The following CSMD2 variants were observed in gnomAD, a reference collection of about 807,000 sequenced individuals.
CSMD2 encodes the protein CUB and sushi domain-containing protein 2.
In CSMD2, 130 loss-of-function variants were observed where a neutral mutation model predicts 398.5. That is an observed-to-expected ratio of 0.33 (90% confidence interval 0.28 to 0.38). The LOEUF (loss-of-function observed/expected upper bound fraction) is 0.38. Ranked by LOEUF, CSMD2 falls within the 10% of genes least tolerant of loss-of-function variation. CSMD2 has a pLI of 1.00. For synonymous variants in CSMD2, 1,828 were observed against 1,908.5 expected (o/e 0.96, Z 1.10); for missense variants, 3,829 against 4,764.9 (o/e 0.80, Z 5.78).
intron 3 of CSMD2, among the ~76,000 whole-genome samples, chr1:33,955,037 T>A (rs1645120928): frequency 6.6e-6 from 1 of 152,146 alleles, no homozygotes; most frequent in Non-Finnish European, 1.5e-5. Flanking sequence ...GTCAAGGTGT[T>A]CATTTATCAC....
intron 2 of CSMD2, among the ~76,000 whole-genome samples, chr1:34,036,921 A>G (rs1055503972): frequency 6.6e-6 from 1 of 152,294 alleles, no homozygotes; most frequent in African/African-American, 2.4e-5. Context: ...GTTACAGGCT[A>G]TGACACATAC....
intron 1 of CSMD2, among the ~76,000 whole-genome samples, chr1:34,132,622 C>T (rs913462439): frequency 6.6e-6 from 1 of 152,204 alleles, no homozygotes; most frequent in Non-Finnish European, 1.5e-5. Context: ...ACAGATCAAC[C>T]CTCACCAATG....
intron 1 of CSMD2, among the ~76,000 whole-genome samples, chr1:34,132,078 CCTTCACTGATGAGGTGA>C (rs1296785535): frequency 1.3e-5 from 2 of 152,084 alleles, no homozygotes; most frequent in Non-Finnish European, 2.9e-5. Context: ...CTTGCATGTC[CCTTCACTGATGAGGTGA>C]CTCACACACT....
At chr1:33,838,370 C>G (rs1181341830) in intron 6 of CSMD2, among the ~76,000 whole-genome samples, 2 of 152,204 alleles carry the variant, frequency 1.3e-5, no homozygotes, top group Non-Finnish European at 2.9e-5. Context: ...TCCAGCCCAT[C>G]TTTTAAAAAG....
At position 33,714,699 on chromosome 1, in the gene CSMD2, G is replaced by T. The variant is rs143791523; in HGVS notation, c.3294C>A (p.Gly1098=). The change falls in exon 21 of 71, where the codon GGC becomes GGA. Residue 1098 remains glycine, a synonymous_variant. Transcript: ENST00000373381. ...SIRKGLQFGV[G]DTLTFSCFPG... ...GGAAGCAGGAGAAGGTCAAGGTGTC[G>T]CCCACGCCAAACTGCAAGCCCTTCC... 1.2e-6 allele frequency: 2 copies of T among 1,614,102 alleles called. No individual in the cohort carries two copies. The highest frequency in any genetic ancestry group is 1.7e-6 in the Non-Finnish European group (2 of 1,180,032).
At chr1:34,003,986 C>A (rs1646979966) in intron 3 of CSMD2, among the ~76,000 whole-genome samples, 6 of 152,332 alleles carry the variant, frequency 3.9e-5, no homozygotes, top group African/African-American at 1.2e-4. Context: ...AATCAAATCA[C>A]AATGCCTACC....
In CSMD2 at chr1:33,645,086, T is replaced by C. The variant is rs567543377; in HGVS notation, c.4774+1562A>G. The stretch of plus-strand genomic sequence containing the variant: ...CTAAGTTTGCCATTGTTCTAATTAG[T>C]GTTATGTGTGAGCTCATGTGAGATA... On this transcript the variant is annotated intron_variant, in intron 29 of 70. Transcript: ENST00000373381. Among the ~76,000 whole-genome samples, 3 of 152,206 alleles carry C rather than the reference T, an allele frequency of 2.0e-5. No individual in the cohort carries two copies. In the East Asian group the frequency reaches 5.8e-4, roughly 29 times the overall value.
chr1:33,779,845 C>A (rs906674385), intron 12 of CSMD2, among the ~76,000 whole-genome samples: 8 of 152,118 alleles, frequency 5.3e-5, no homozygotes, highest in Admixed American at 2.0e-4. Flanking sequence ...ATGTCTATAT[C>A]CCAGCTTTTC....
At chr1:33,824,954 G>A (rs1053891883) in intron 7 of CSMD2, among the ~76,000 whole-genome samples, 1 of 152,156 alleles carries the variant, frequency 6.6e-6, no homozygotes, top group Non-Finnish European at 1.5e-5. Flanking sequence ...TTTAAGCCCA[G>A]TCTTGTGGAG....
At chr1:33,652,486 G>A in intron 27 of CSMD2, 25 bp from the exon 28 acceptor site, 2 of 1,611,176 alleles carry the variant, frequency 1.2e-6, no homozygotes, top group African/African-American at 1.3e-5. Flanking sequence ...AGACGAGGGT[G>A]AGGCTGCCTC....
chr1:33,676,169 G>A (rs1376743639), intron 25 of CSMD2, among the ~76,000 whole-genome samples: 1 of 152,176 alleles, frequency 6.6e-6, no homozygotes, highest in Non-Finnish European at 1.5e-5. Context: ...AAATAAAATT[G>A]TCCCTGTTTG....
At chr1:33,665,572 G>C (rs928471546) in intron 25 of CSMD2, among the ~76,000 whole-genome samples, 2 of 142,894 alleles carry the variant, frequency 1.4e-5, no homozygotes, top group African/African-American at 5.2e-5. Flanking sequence ...TGGGACCACA[G>C]TTAACATGCC....
rs533152313 is a variant in CSMD2, at chr1:34,108,241, T to C, written c.188-19048A>G. Among the ~76,000 whole-genome samples, 44 of 149,966 alleles carry C rather than the reference T, an allele frequency of 2.9e-4. 1 individual carries two copies. Among genetic ancestry groups the C allele is most frequent in the Middle Eastern group, 3.4e-3 (1 of 292 alleles). On this transcript the variant is annotated intron_variant, in intron 1 of 70. Transcript: ENST00000373381. Reference sequence around the variant, plus strand: ...CATATTTGAAAATTAATTTTAAAAATGAGAGAGAGAAAAAGAAAACAAAAC... The same window carrying C: ...CATATTTGAAAATTAATTTTAAAAACGAGAGAGAGAAAAAGAAAACAAAAC...
chr1:33,614,731 A>G lies in CSMD2; in HGVS notation c.6017-111T>C, dbSNP rs1156815341. On this transcript the variant is annotated intron_variant, in intron 39 of 70. Transcript: ENST00000373381. Reference sequence around the variant, plus strand: ...AGCAGTTTTTAAGCTTTCATGAGTCATATAGCCCCTTGAGAATCCAAAGGA... The same window carrying G: ...AGCAGTTTTTAAGCTTTCATGAGTCGTATAGCCCCTTGAGAATCCAAAGGA... 6.3e-6 allele frequency: 4 copies of G among 633,822 alleles called. No homozygotes were observed. The East Asian group carries it at 1.1e-4, about 17-fold the overall frequency. The allele number at this position is 633,822 out of a possible 1,614,324, so 39.3% of individuals were successfully genotyped here.
intron 28 of CSMD2, among the ~76,000 whole-genome samples, chr1:33,649,973 T>C (rs1191471215): frequency 6.6e-6 from 1 of 152,120 alleles, no homozygotes; most frequent in Non-Finnish European, 1.5e-5. Flanking sequence ...CTGGTGTCAG[T>C]TGCGGGGTCA....
chr1:33,906,413 A>G (rs1324165614), intron 5 of CSMD2, among the ~76,000 whole-genome samples: 2 of 152,248 alleles, frequency 1.3e-5, no homozygotes, highest in Non-Finnish European at 2.9e-5. Context: ...TGAATTGGAC[A>G]GTGCCAAGAT....
chr1:33,548,734 C>T lies in CSMD2; in HGVS notation c.8917+1443G>A, dbSNP rs1657147275. ...TCATCCAAGGGATTTAAGGTTCACTCATTGTCTAGCCTTTGCGTACATTGA... is the reference window on the plus strand; with the variant it reads ...TCATCCAAGGGATTTAAGGTTCACTTATTGTCTAGCCTTTGCGTACATTGA... On this transcript the variant is annotated intron_variant, in intron 56 of 70. Coordinates refer to ENST00000373381, the MANE Select transcript of CSMD2 (RefSeq NM_001281956.2). 2.0e-5 allele frequency among the ~76,000 whole-genome samples: 3 copies of T among 152,234 alleles called. No individual in the cohort carries two copies. In the South Asian group the frequency reaches 6.2e-4, roughly 32 times the overall value.
At chr1:33,772,889 T>G (rs1030257401) in intron 12 of CSMD2, 138 bp from the exon 13 acceptor site, 1 of 689,380 alleles carries the variant, frequency 1.5e-6, no homozygotes, top group Non-Finnish European at 2.4e-6. Flanking sequence ...GATTCAACGT[T>G]CTTATAAGGA....
intron 1 of CSMD2, among the ~76,000 whole-genome samples, chr1:34,134,793 A>G (rs1311337296): frequency 2.6e-5 from 4 of 152,240 alleles, no homozygotes; most frequent in African/African-American, 7.2e-5. Flanking sequence ...TTTCAGGAGA[A>G]GAGATACAGA....
Sources: gnomAD v4.1 joint callset for allele counts (sites outside exome capture counted in the v4.1 genomes callset) on GRCh38, gnomAD v4.1.1 for gene constraint, MANE v1.5 for transcripts, NCBI Gene and HGNC (gene_info 2026-07-23, HGNC 2026-07-21) for gene names.